Variants in MCPH1 observed in about 807,000 individuals in gnomAD.
The protein encoded by MCPH1 is microcephalin 1.
Under a neutral mutation model 84.5 loss-of-function variants are expected in MCPH1, and 104 were observed. The ratio of observed to expected loss-of-function variants is 1.23; its 90% CI spans 1.05 to 1.45. MCPH1 has a LOEUF of 1.45. Ranked by LOEUF, MCPH1 falls within the 40% of genes most tolerant of loss-of-function variation. The pLI, the probability that MCPH1 is intolerant of heterozygous loss-of-function variation, is 0.00. For synonymous variants in MCPH1, 514 were observed against 366.8 expected (o/e 1.40, Z -4.58); for missense variants, 1,498 against 1,005.7 (o/e 1.49, Z -6.62).
At chr8:6,540,599 C>T (rs1015818013) in intron 12 of MCPH1, among the ~76,000 whole-genome samples, 5 of 152,234 alleles carry the variant, frequency 3.3e-5, no homozygotes, top group Admixed American at 2.0e-4. Flanking sequence ...TGTCAGGCCA[C>T]GTCTGCATAT....
chr8:6,492,356 G>C (rs1299919295), intron 11 of MCPH1, among the ~76,000 whole-genome samples: 1 of 151,936 alleles, frequency 6.6e-6, no homozygotes, highest in Non-Finnish European at 1.5e-5. Flanking sequence ...AGAGTTCTTT[G>C]TAGATTCTGG....
intron 3 of MCPH1, among the ~76,000 whole-genome samples, chr8:6,418,169 C>A (rs999221820): frequency 2.6e-5 from 4 of 152,134 alleles, no homozygotes; most frequent in African/African-American, 9.7e-5. Flanking sequence ...GTAGCCCTAG[C>A]TGCCCAGTCT....
intron 12 of MCPH1, among the ~76,000 whole-genome samples, chr8:6,531,006 T>A (rs1586413389): frequency 6.6e-6 from 1 of 152,212 alleles, no homozygotes; most frequent in East Asian, 1.9e-4. Context: ...GCTCTTTTTT[T>A]AAAAGTATTC....
At chr8:6,414,194 G>C (rs974028438) in intron 2 of MCPH1, among the ~76,000 whole-genome samples, 2 of 152,192 alleles carry the variant, frequency 1.3e-5, no homozygotes, top group Non-Finnish European at 2.9e-5. Context: ...TTTTAGTAGA[G>C]ACAAGGTTTC....
intron 12 of MCPH1, chr8:6,562,596 C>CAAGCTGATCTT: frequency 2.4e-6 from 1 of 412,918 alleles, no homozygotes; most frequent in Non-Finnish European, 3.4e-6. Context: ...GAGCTGCTGC[C>CAAGCTGATCTT]AAGCTGATCT....
At chr8:6,498,478 T>C (rs1811547026) in intron 11 of MCPH1, among the ~76,000 whole-genome samples, 1 of 152,270 alleles carries the variant, frequency 6.6e-6, no homozygotes. Context: ...ATTAATTTAC[T>C]GACCAGAACT....
chr8:6,519,832 A>G (rs756054224), intron 12 of MCPH1: 1 of 1,610,372 alleles, frequency 6.2e-7, no homozygotes. Context: ...GCCTAGAGCC[A>G]GGGAGTTAGT....
In MCPH1 at chr8:6,528,109, C is replaced by G. The variant is rs759731941; in HGVS notation, c.2214+28180C>G. Among the ~76,000 whole-genome samples, 2 of 152,094 alleles carry G rather than the reference C, an allele frequency of 1.3e-5. 1 individual carries two copies. The highest frequency in any genetic ancestry group is 4.2e-4 in the South Asian group (2 of 4,814). On this transcript the variant is annotated intron_variant, in intron 12 of 13. Coordinates refer to ENST00000344683, the MANE Select transcript of MCPH1 (RefSeq NM_024596.5). The stretch of plus-strand genomic sequence containing the variant: ...ATGGGGTTTCACCATGTTGGCCAGG[C>G]TGGTCTGGAACTCCTGACCTCAAGG...
intron 13 of MCPH1, among the ~76,000 whole-genome samples, chr8:6,640,693 T>C (rs1797886159): frequency 6.6e-6 from 1 of 152,340 alleles, no homozygotes; most frequent in African/African-American, 2.4e-5. Context: ...TTTTACAAAA[T>C]TAAACACCTC....
intron 11 of MCPH1, among the ~76,000 whole-genome samples, chr8:6,487,028 C>G (rs917137952): frequency 6.6e-6 from 1 of 152,226 alleles, no homozygotes; most frequent in Admixed American, 6.5e-5. Context: ...CCAGCTACCA[C>G]TCCGTGTCAC....
intron 8 of MCPH1, among the ~76,000 whole-genome samples, chr8:6,449,991 C>T (rs1249883085): frequency 1.4e-4 from 5 of 36,098 alleles, no homozygotes; most frequent in Non-Finnish European, 2.8e-4. Flanking sequence ...CTAGCAAAAG[C>T]AGAAAAGTCC....
chr8:6,592,614 CTTTTTTTTGT>C (rs1339801688), intron 12 of MCPH1, among the ~76,000 whole-genome samples: 50 of 65,548 alleles, frequency 7.6e-4, no homozygotes, highest in East Asian at 1.4e-3. Context: ...GTTTTTCTTT[CTTTTTTTTGT>C]TTTTTTTTTT....
intron 12 of MCPH1, among the ~76,000 whole-genome samples, chr8:6,556,428 G>A (rs1046210005): frequency 6.6e-6 from 1 of 152,052 alleles, no homozygotes; most frequent in Non-Finnish European, 1.5e-5. Context: ...TTTCCGTGTA[G>A]TGACCAAGGA....
intron 12 of MCPH1, among the ~76,000 whole-genome samples, chr8:6,581,600 G>A (rs550257781): frequency 6.6e-6 from 1 of 152,298 alleles, no homozygotes; most frequent in African/African-American, 2.4e-5. Flanking sequence ...ACACAGTTAG[G>A]AAGTTACATG....
At chr8:6,617,564 AC>A (rs1830935334) in intron 12 of MCPH1, among the ~76,000 whole-genome samples, 2 of 151,348 alleles carry the variant, frequency 1.3e-5, no homozygotes, top group Admixed American at 1.3e-4. Context: ...TCCCCAACTT[AC>A]GTCTGTCCCC....
chr8:6,459,654 G>T (rs1468396917), intron 9 of MCPH1, among the ~76,000 whole-genome samples: 1 of 152,240 alleles, frequency 6.6e-6, no homozygotes, highest in East Asian at 1.9e-4. Flanking sequence ...TTGAGAGCCA[G>T]CCTACATGCT....
In MCPH1 at chr8:6,444,421, A is replaced by C; in HGVS notation, c.699A>C (p.Ser233=). 8 of 1,614,182 alleles carry C rather than the reference A, an allele frequency of 5.0e-6. No homozygotes were observed. Among genetic ancestry groups the C allele is most frequent in the Non-Finnish European group, 6.8e-6 (8 of 1,180,008 alleles). The change falls in exon 8 of 14, where the codon TCA becomes TCC. Residue 233 remains serine (S), a synonymous_variant. Transcript: ENST00000344683. ...SDEYFAGGLH[S]SFDDLCGNSG... is the part of the protein sequence containing the mutation. ...AATACTTTGCTGGTGGCTTACACTC[A>C]TCTTTTGATGATCTTTGTGGAAACT...
At chr8:6,625,277 A>G (rs1423135836) in intron 13 of MCPH1, 10 of 985,284 alleles carry the variant, frequency 1.0e-5, no homozygotes, top group Admixed American at 6.1e-5. Flanking sequence ...GGAAACACAG[A>G]GAGCGCAAAT....
chr8:6,495,421 G>A (rs540471728), intron 11 of MCPH1, among the ~76,000 whole-genome samples: 13 of 152,194 alleles, frequency 8.5e-5, no homozygotes, highest in Non-Finnish European at 1.8e-4. Flanking sequence ...ACACTGTCTA[G>A]TTGGGGAAGA....
Sources: allele counts gnomAD v4.1 joint callset (sites outside exome capture counted in the v4.1 genomes callset), GRCh38; gene constraint gnomAD v4.1.1; transcripts MANE v1.5; gene names NCBI Gene and HGNC (gene_info 2026-07-23, HGNC 2026-07-21).